The following ASIC2 variants were observed in gnomAD, a reference collection of about 807,000 sequenced individuals.
ASIC2 encodes the protein acid sensing ion channel subunit 2.
In ASIC2, 25 loss-of-function variants were observed where a neutral mutation model predicts 57.3. The ratio of observed to expected loss-of-function variants is 0.44; its 90% CI spans 0.32 to 0.61. The LOEUF is 0.61. ASIC2 is among the 20% of genes least tolerant of loss of function. The pLI, the probability that ASIC2 is intolerant of heterozygous loss-of-function variation, is 0.06. For synonymous variants in ASIC2, 319 were observed against 307.5 expected (o/e 1.04, Z -0.39); for missense variants, 641 against 738.1 (o/e 0.87, Z 1.52).
At chr17:33,818,927 T>A (rs1912668077) in intron 1 of ASIC2, among the ~76,000 whole-genome samples, 1 of 152,204 alleles carries the variant, frequency 6.6e-6, no homozygotes, top group African/African-American at 2.4e-5. Flanking sequence ...TCAAGGGAGT[T>A]GAATCCAGGT....
At chr17:33,034,995 C>T (rs73984929) in intron 3 of ASIC2, among the ~76,000 whole-genome samples, 5 of 152,032 alleles carry the variant, frequency 3.3e-5, no homozygotes, top group Admixed American at 6.5e-5. Flanking sequence ...AAGTCATTGG[C>T]GTTCTATTCC....
At chr17:33,665,157 A>G in intron 1 of ASIC2, among the ~76,000 whole-genome samples, 1 of 152,172 alleles carries the variant, frequency 6.6e-6, no homozygotes, top group Non-Finnish European at 1.5e-5. Flanking sequence ...TAAGCATTTT[A>G]AGGAGATACT....
Position 34,094,271 on chromosome 17 carries a change from C to T in ASIC2, c.555+61707G>A, listed in dbSNP as rs573905869. Among the ~76,000 whole-genome samples the T allele has an allele frequency of 2.6e-5, 4 of 152,266 alleles. No homozygotes were observed. In the East Asian group the frequency reaches 7.7e-4, roughly 29 times the overall value. The stretch of plus-strand genomic sequence containing the variant: ...GGCCCTTACTAATCTGAGACCTTGG[C>T]TAGGTCATTTAGCCTTACGTGATAA... On this transcript the variant is annotated intron_variant, in intron 1 of 9. Coordinates refer to the ASIC2 transcript ENST00000359872.
chr17:33,248,627 C>T (rs1379808136), intron 1 of ASIC2, among the ~76,000 whole-genome samples: 1 of 152,210 alleles, frequency 6.6e-6, no homozygotes, highest in African/African-American at 2.4e-5. Flanking sequence ...CACACACCCT[C>T]TGGAGGCTCC....
chr17:33,796,689 T>G (rs1034726728), intron 1 of ASIC2, among the ~76,000 whole-genome samples: 2 of 152,222 alleles, frequency 1.3e-5, no homozygotes, highest in African/African-American at 4.8e-5. Flanking sequence ...GCTCTTTCCC[T>G]TTAGTCATTG....
At chr17:33,676,263 G>A (rs927627459) in intron 1 of ASIC2, among the ~76,000 whole-genome samples, 2 of 152,114 alleles carry the variant, frequency 1.3e-5, no homozygotes, top group African/African-American at 4.8e-5. Flanking sequence ...CCCTACAATG[G>A]CCTCTAAGTA....
chr17:34,124,227 A>G (rs1911707654), intron 1 of ASIC2, among the ~76,000 whole-genome samples: 1 of 152,236 alleles, frequency 6.6e-6, no homozygotes, highest in Non-Finnish European at 1.5e-5. Context: ...CACTTAGCAC[A>G]GTGCCTGGCA....
intron 1 of ASIC2, among the ~76,000 whole-genome samples, chr17:34,084,011 A>C (rs536862673): frequency 6.6e-6 from 1 of 152,050 alleles, no homozygotes; most frequent in Admixed American, 6.6e-5. Context: ...TGATGTGCAG[A>C]AGCTCTTTAG....
intron 1 of ASIC2, among the ~76,000 whole-genome samples, chr17:33,133,768 T>G (rs569616469): frequency 1.3e-5 from 2 of 152,288 alleles, no homozygotes; most frequent in South Asian, 4.2e-4. Context: ...CCTTCTACCC[T>G]GCCCCATCAC....
chr17:33,119,690 G>A (rs1361475240), intron 1 of ASIC2, among the ~76,000 whole-genome samples: 1 of 152,220 alleles, frequency 6.6e-6, no homozygotes, highest in Admixed American at 6.5e-5. Flanking sequence ...CATGTTCTAA[G>A]AAGTGCTGCA....
At chr17:33,191,111 G>A (rs968704054) in intron 1 of ASIC2, among the ~76,000 whole-genome samples, 7 of 151,996 alleles carry the variant, frequency 4.6e-5, no homozygotes, top group Admixed American at 2.0e-4. Context: ...TTTTTAAAAT[G>A]GTATACCTAC....
intron 1 of ASIC2, among the ~76,000 whole-genome samples, chr17:33,476,504 CATATATAT>C (rs67811038): frequency 0.1 from 12,286 of 122,590 alleles, 1,056 homozygotes; most frequent in African/African-American, 0.24. Context: ...TGTGTGTGTG[CATATATAT>C]ATATATATAT....
chr17:33,385,617 G>A (rs892209704), intron 1 of ASIC2, among the ~76,000 whole-genome samples: 4 of 152,222 alleles, frequency 2.6e-5, no homozygotes, highest in African/African-American at 2.4e-5. Flanking sequence ...AGACAGCTGC[G>A]TAATGCAGCA....
At chr17:33,973,827 G>A (rs7212978) in intron 1 of ASIC2, among the ~76,000 whole-genome samples, 35,962 of 151,962 alleles carry the variant, frequency 0.24, 5,066 homozygotes, top group African/African-American at 0.39. Context: ...GGTGTTTCCT[G>A]TGGAGCACAG....
chr17:34,088,353 G>A (rs975957744), intron 1 of ASIC2, among the ~76,000 whole-genome samples: 2 of 152,216 alleles, frequency 1.3e-5, no homozygotes, highest in Non-Finnish European at 2.9e-5. Context: ...TTGCAGAACA[G>A]CGGTTTTTCG....
At chr17:33,238,951 C>T (rs1426290767) in intron 1 of ASIC2, among the ~76,000 whole-genome samples, 2 of 151,910 alleles carry the variant, frequency 1.3e-5, no homozygotes, top group Non-Finnish European at 2.9e-5. Context: ...TTGCAGCGAG[C>T]CAAGATTGCA....
chr17:34,048,329 T>C (rs969988786), intron 1 of ASIC2, among the ~76,000 whole-genome samples: 1 of 152,216 alleles, frequency 6.6e-6, no homozygotes, highest in African/African-American at 2.4e-5. Flanking sequence ...ACTCAAAACT[T>C]ACCAACTTCT....
chr17:33,142,731 C>A (rs1270279803), intron 1 of ASIC2, among the ~76,000 whole-genome samples: 2 of 152,206 alleles, frequency 1.3e-5, no homozygotes, highest in Non-Finnish European at 2.9e-5. Flanking sequence ...ACTGCCTTCT[C>A]CTTTGGGCCT....
chr17:33,614,163 G>C (rs1000702869), intron 1 of ASIC2, among the ~76,000 whole-genome samples: 2 of 152,096 alleles, frequency 1.3e-5, no homozygotes, highest in African/African-American at 4.8e-5. Context: ...TCTTTTCAGC[G>C]TGAGTTCTTT....
Sources: gnomAD v4.1 joint callset for allele counts (sites outside exome capture counted in the v4.1 genomes callset) on GRCh38, gnomAD v4.1.1 for gene constraint, MANE v1.5 for transcripts, NCBI Gene and HGNC (gene_info 2026-07-23, HGNC 2026-07-21) for gene names.